The following DLGAP2 variants were observed in gnomAD, a reference collection of about 807,000 sequenced individuals.
The protein encoded by DLGAP2 is DLG associated protein 2.
Under a neutral mutation model 100.3 loss-of-function variants are expected in DLGAP2, and 26 were observed. The ratio of observed to expected loss-of-function variants is 0.26; its 90% CI spans 0.19 to 0.36. The LOEUF is 0.36. Ranked by LOEUF, DLGAP2 falls within the 10% of genes least tolerant of loss-of-function variation. The pLI, the probability that DLGAP2 is intolerant of heterozygous loss-of-function variation, is 1.00. For missense variants in DLGAP2, 1,858 were observed against 1,453.2 expected, an observed-to-expected ratio of 1.28 and a Z score of -4.53; for synonymous variants, 886 against 630.1, an observed-to-expected ratio of 1.41 and a Z score of -6.08.
At chr8:1,156,330 A>T (rs1283680892) in intron 2 of DLGAP2, among the ~76,000 whole-genome samples, 1 of 152,310 alleles carries the variant, frequency 6.6e-6, no homozygotes, top group Middle Eastern at 3.4e-3. Context: ...TGGGAGCTGC[A>T]GAAGCCTGGT....
At chr8:1,438,352 G>T (rs962066207) in intron 3 of DLGAP2, among the ~76,000 whole-genome samples, 3 of 152,136 alleles carry the variant, frequency 2.0e-5, no homozygotes, top group Non-Finnish European at 4.4e-5. Context: ...TACAGTTAGC[G>T]TTTTGGTCTT....
At chr8:1,271,348 C>T (rs1255322820) in intron 3 of DLGAP2, among the ~76,000 whole-genome samples, 1 of 152,120 alleles carries the variant, frequency 6.6e-6, no homozygotes, top group Non-Finnish European at 1.5e-5. Context: ...GAAAATTATG[C>T]TCTTTAAGCA....
intron 1 of DLGAP2, among the ~76,000 whole-genome samples, chr8:780,164 C>T (rs1821647172): frequency 1.3e-5 from 2 of 152,176 alleles, no homozygotes; most frequent in Admixed American, 1.3e-4. Flanking sequence ...CCCCACCTAC[C>T]AGCCTGGCCC....
chr8:1,337,059 A>G (rs1213311406), intron 3 of DLGAP2, among the ~76,000 whole-genome samples: 3 of 152,188 alleles, frequency 2.0e-5, no homozygotes, highest in African/African-American at 7.2e-5. Flanking sequence ...CAGTAATGAC[A>G]GTGTGTGACA....
At chr8:1,209,354 T>C (rs967499117) in intron 2 of DLGAP2, among the ~76,000 whole-genome samples, 2 of 152,200 alleles carry the variant, frequency 1.3e-5, no homozygotes, top group African/African-American at 4.8e-5. Context: ...GTGTAATTTT[T>C]CTTTATGGGT....
intron 2 of DLGAP2, among the ~76,000 whole-genome samples, chr8:1,196,322 C>G (rs976076814): frequency 7.2e-5 from 11 of 152,198 alleles, no homozygotes; most frequent in Admixed American, 3.9e-4. Flanking sequence ...TTCCCAAGCA[C>G]CATGAAATTC....
chr8:809,983 G>A (rs1796342355), intron 1 of DLGAP2, among the ~76,000 whole-genome samples: 1 of 152,204 alleles, frequency 6.6e-6, no homozygotes, highest in Non-Finnish European at 1.5e-5. Flanking sequence ...AAGGCCCTCA[G>A]CTCTGGGACT....
intron 2 of DLGAP2, among the ~76,000 whole-genome samples, chr8:967,529 G>A (rs548561848): frequency 6.6e-6 from 1 of 151,832 alleles, no homozygotes; most frequent in African/African-American, 2.4e-5. Context: ...GAAAGATAAG[G>A]ATGTGAAACC....
intron 1 of DLGAP2, among the ~76,000 whole-genome samples, chr8:833,509 A>C (rs1205586673): frequency 6.6e-6 from 1 of 152,066 alleles, no homozygotes; most frequent in African/African-American, 2.4e-5. Context: ...CCAGCAGCAG[A>C]GGGTGGGGTG....
At chr8:1,596,911 T>C (rs1476873406) in intron 6 of DLGAP2, among the ~76,000 whole-genome samples, 1 of 152,248 alleles carries the variant, frequency 6.6e-6, no homozygotes, top group Admixed American at 6.5e-5. Context: ...GCCATTGCTC[T>C]TGGTGTTTTA....
At chr8:1,470,586 G>A (rs564847695) in intron 3 of DLGAP2, among the ~76,000 whole-genome samples, 1 of 152,248 alleles carries the variant, frequency 6.6e-6, no homozygotes, top group South Asian at 2.1e-4. Flanking sequence ...TTAAATATTT[G>A]ATGTTTGACT....
intron 1 of DLGAP2, among the ~76,000 whole-genome samples, chr8:866,790 C>T (rs1413696869): frequency 1.3e-5 from 2 of 152,202 alleles, no homozygotes; most frequent in African/African-American, 2.4e-5. Flanking sequence ...CTTTCTATGA[C>T]TCAGACTGGG....
At chr8:1,625,431 C>G (rs1329820288) in intron 6 of DLGAP2, among the ~76,000 whole-genome samples, 1 of 152,078 alleles carries the variant, frequency 6.6e-6, no homozygotes, top group Non-Finnish European at 1.5e-5. Context: ...CACAAAACGG[C>G]GAGAAGGAAG....
intron 3 of DLGAP2, among the ~76,000 whole-genome samples, chr8:1,341,840 A>G (rs970156036): frequency 1.1e-4 from 16 of 152,168 alleles, no homozygotes; most frequent in African/African-American, 3.1e-4. Context: ...CAGAACATGG[A>G]CCTGTAGCTT....
intron 3 of DLGAP2, among the ~76,000 whole-genome samples, chr8:1,433,306 T>C (rs1797513504): frequency 6.6e-6 from 1 of 152,216 alleles, no homozygotes; most frequent in Admixed American, 6.5e-5. Flanking sequence ...ACCCCTGTAC[T>C]GGTCCAGCTG....
chr8:1,448,874 A>G (rs1306264809), intron 3 of DLGAP2, among the ~76,000 whole-genome samples: 2 of 152,314 alleles, frequency 1.3e-5, no homozygotes, highest in South Asian at 2.1e-4. Flanking sequence ...ATCCTGACCC[A>G]TAATAGCATG....
chr8:1,315,175 A>G (rs866048827), intron 3 of DLGAP2, among the ~76,000 whole-genome samples: 1 of 152,260 alleles, frequency 6.6e-6, no homozygotes, highest in East Asian at 1.9e-4. Flanking sequence ...AACTTGCGAT[A>G]ATTCCCAACA....
chr8:1,588,159 A>C (rs1796182328), intron 6 of DLGAP2, among the ~76,000 whole-genome samples: 1 of 152,226 alleles, frequency 6.6e-6, no homozygotes, highest in Non-Finnish European at 1.5e-5. Flanking sequence ...AGAATGTCTA[A>C]CAGCAGCAGC....
intron 3 of DLGAP2, among the ~76,000 whole-genome samples, chr8:1,276,696 A>G (rs1441778871): frequency 1.3e-5 from 2 of 151,926 alleles, no homozygotes; most frequent in Admixed American, 6.6e-5. Context: ...GTAGAACAAG[A>G]CACTCTTGTT....
Sources: gnomAD v4.1 joint callset for allele counts (sites outside exome capture counted in the v4.1 genomes callset) on GRCh38, gnomAD v4.1.1 for gene constraint, MANE v1.5 for transcripts, NCBI Gene and HGNC (gene_info 2026-07-23, HGNC 2026-07-21) for gene names.